EPHA6: variants seen among roughly 807,000 people sequenced by gnomAD.
EPHA6 encodes EPH receptor A6.
Under a neutral mutation model 112.0 loss-of-function variants are expected in EPHA6, and 50 were observed. The observed-to-expected ratio is 0.45, with a 90% CI of 0.36 to 0.56. EPHA6 has a LOEUF of 0.56. EPHA6 is among the 20% of genes least tolerant of loss of function. The pLI is 0.00. For synonymous variants in EPHA6, 529 were observed against 490.7 expected (o/e 1.08, Z -1.03); for missense variants, 1,280 against 1,417.4 (o/e 0.90, Z 1.56).
rs67227502 is a variant in EPHA6, at chr3:96,829,949, GCACACACACACACA to G, written c.385+14968_385+14981del. Among the ~76,000 whole-genome samples the G allele has an allele frequency of 4.1e-4, 56 of 136,074 alleles. 1 individual carries two copies. The highest frequency in any genetic ancestry group is 1.0e-3 in the African/African-American group (35 of 33,620). The allele number at this position is 136,074 out of a possible 152,430, so 89.3% of individuals were successfully genotyped here. A position where few individuals can be genotyped will look rare whatever the true frequency, so the allele number is the denominator to read the frequency against. On this transcript the variant is annotated intron_variant, in intron 1 of 17. Transcript: ENST00000389672. Reference sequence around the variant, plus strand: ...CATGCACGTGCATGTGCGCGCGCGCGCACACACACACACACACACACACACACACACACACACAC... The same window carrying G: ...CATGCACGTGCATGTGCGCGCGCGCGCACACACACACACACACACACACAC...
intron 3 of EPHA6, among the ~76,000 whole-genome samples, chr3:97,072,402 CAA>C (rs2046388595): frequency 1.3e-5 from 2 of 151,956 alleles, no homozygotes; most frequent in African/African-American, 4.8e-5. Flanking sequence ...ACAGGGAAGA[CAA>C]TGTGAAGACA....
intron 12 of EPHA6, among the ~76,000 whole-genome samples, chr3:97,610,052 G>A (rs951246670): frequency 2.0e-5 from 3 of 151,414 alleles, no homozygotes; most frequent in Admixed American, 1.3e-4. Context: ...CTATAACAGT[G>A]TACCAATTGA....
intron 6 of EPHA6, among the ~76,000 whole-genome samples, chr3:97,418,227 G>T (rs1410987193): frequency 6.6e-6 from 1 of 151,252 alleles, no homozygotes; most frequent in Non-Finnish European, 1.5e-5. Context: ...ACTAATAAAT[G>T]ATACTAATAA....
intron 15 of EPHA6, among the ~76,000 whole-genome samples, chr3:97,721,184 T>A (rs1229733795): frequency 6.6e-6 from 1 of 152,208 alleles, no homozygotes; most frequent in Non-Finnish European, 1.5e-5. Context: ...ACCTATAATG[T>A]GATTCTGAAT....
In EPHA6 at chr3:97,301,852, A is replaced by G. The variant is rs534111755; in HGVS notation, c.1606+57565A>G. 2.6e-5 allele frequency among the ~76,000 whole-genome samples: 4 copies of G among 152,240 alleles called. No individual in the cohort carries two copies. In the East Asian group the frequency reaches 7.7e-4, roughly 29 times the overall value. ...ATATAATGAATCTGTTTTTTTCTAT[A>G]ATACTTATAGATCACTCACCCGTAT... On this transcript the variant is annotated intron_variant, in intron 5 of 17. Coordinates refer to ENST00000389672, the MANE Select transcript of EPHA6 (RefSeq NM_001080448.3).
At chr3:97,498,946 C>T (rs1412613542) in intron 10 of EPHA6, among the ~76,000 whole-genome samples, 1 of 152,202 alleles carries the variant, frequency 6.6e-6, no homozygotes, top group Admixed American at 6.5e-5. Flanking sequence ...GATCTAACTG[C>T]ACTTTGCAAA....
rs537430377 is a variant in EPHA6, at chr3:97,623,959, T to A, written c.2574+13105T>A. ...AATGTGAATCCTCCAGCTTTGCTCT[T>A]CTCTGTTGGTTATCTAAGGTCCCTT... On this transcript the variant is annotated intron_variant, in intron 13 of 17. Coordinates refer to ENST00000389672, the MANE Select transcript of EPHA6 (RefSeq NM_001080448.3). Among the ~76,000 whole-genome samples the A allele has an allele frequency of 5.9e-5, 9 of 151,732 alleles. No homozygotes were observed. The East Asian group carries it at 1.8e-3, about 30-fold the overall frequency.
chr3:97,566,595 C>G (rs1354040577), intron 11 of EPHA6, among the ~76,000 whole-genome samples: 1 of 152,114 alleles, frequency 6.6e-6, no homozygotes, highest in African/African-American at 2.4e-5. Flanking sequence ...TGTCAGGGCT[C>G]TGTTAGTGAG....
chr3:97,302,387 T>C (rs1173659795), intron 5 of EPHA6, among the ~76,000 whole-genome samples: 1 of 151,642 alleles, frequency 6.6e-6, no homozygotes, highest in Non-Finnish European at 1.5e-5. Context: ...CCTAAACCAC[T>C]GTATATTATT....
intron 5 of EPHA6, 68 bp from the exon 6 acceptor site, chr3:97,405,082 A>G (rs1239187631): frequency 6.7e-7 from 1 of 1,503,148 alleles, no homozygotes; most frequent in East Asian, 2.5e-5. Flanking sequence ...GGAAGAGAAA[A>G]TATTAAAGAA....
chr3:97,349,477 T>C (rs969214976), intron 5 of EPHA6, among the ~76,000 whole-genome samples: 3 of 152,098 alleles, frequency 2.0e-5, no homozygotes, highest in Admixed American at 6.6e-5. Context: ...TATGGAGCAT[T>C]GTGAAAAACA....
chr3:96,863,067 T>C (rs910696481), intron 1 of EPHA6, among the ~76,000 whole-genome samples: 4 of 152,052 alleles, frequency 2.6e-5, no homozygotes, highest in Admixed American at 2.0e-4. Context: ...AACTTTATTT[T>C]ATTGCCCCCA....
chr3:97,034,345 T>G lies in EPHA6; in HGVS notation c.1114+46352T>G, dbSNP rs1423460349. Among the ~76,000 whole-genome samples, 4 of 152,056 alleles carry G rather than the reference T, an allele frequency of 2.6e-5. No homozygotes were observed. The South Asian group carries it at 8.3e-4, about 32-fold the overall frequency. ...CTGGGCAAACTAAATTCTGCTTCTG[T>G]TCCTTGGGGAGAGTTTTACAATCTT... On this transcript the variant is annotated intron_variant, in intron 3 of 17. Transcript: ENST00000389672.
intron 11 of EPHA6, among the ~76,000 whole-genome samples, chr3:97,565,768 C>G (rs1379740359): frequency 2.6e-5 from 4 of 152,050 alleles, no homozygotes; most frequent in Non-Finnish European, 2.9e-5. Flanking sequence ...CCTGTAATCC[C>G]AGCACTTTGG....
intron 3 of EPHA6, among the ~76,000 whole-genome samples, chr3:97,137,844 T>A (rs2075802308): frequency 6.6e-6 from 1 of 151,838 alleles, no homozygotes; most frequent in Non-Finnish European, 1.5e-5. Flanking sequence ...TAAAGTATAA[T>A]AAAAATAAAA....
At chr3:96,901,633 A>G (rs2107574266) in intron 2 of EPHA6, among the ~76,000 whole-genome samples, 1 of 152,292 alleles carries the variant, frequency 6.6e-6, no homozygotes, top group South Asian at 2.1e-4. Context: ...CTTTGTTGCC[A>G]AAAGGCTGAG....
chr3:97,516,785 GA>G (rs1481830368), intron 10 of EPHA6, among the ~76,000 whole-genome samples: 1 of 152,060 alleles, frequency 6.6e-6, no homozygotes, highest in Non-Finnish European at 1.5e-5. Context: ...AGATGAAACT[GA>G]AGACAGGAAT....
chr3:97,139,264 C>T (rs2075837918), intron 3 of EPHA6, among the ~76,000 whole-genome samples: 1 of 152,164 alleles, frequency 6.6e-6, no homozygotes, highest in South Asian at 2.1e-4. Flanking sequence ...CTGCCACCAA[C>T]ACAGCTGCCT....
chr3:97,507,690 A>G (rs1443817696), intron 10 of EPHA6, among the ~76,000 whole-genome samples: 1 of 152,066 alleles, frequency 6.6e-6, no homozygotes, highest in Non-Finnish European at 1.5e-5. Context: ...TGACTTAGGG[A>G]GGAGTCCCTC....
Sources: allele counts gnomAD v4.1 joint callset (sites outside exome capture counted in the v4.1 genomes callset), GRCh38; gene constraint gnomAD v4.1.1; transcripts MANE v1.5; gene names NCBI Gene and HGNC (gene_info 2026-07-23, HGNC 2026-07-21).